PKP4: variants seen among roughly 807,000 people sequenced by gnomAD.
The protein encoded by PKP4 is plakophilin-4.
PKP4 carries 90 observed loss-of-function variants against 145.1 expected under a neutral mutation model. That is an observed-to-expected ratio of 0.62 (90% CI 0.52 to 0.74). The LOEUF is 0.74. Among genes scored for constraint, PKP4 ranks in the 30% least tolerant of loss-of-function variants. The pLI is 0.00. For synonymous variants in PKP4, 563 were observed against 577.2 expected, an observed-to-expected ratio of 0.98 and a Z score of 0.35; for missense variants, 1,340 against 1,482.7, an observed-to-expected ratio of 0.90 and a Z score of 1.58.
At position 158,642,697 on chromosome 2, in the gene PKP4, C is replaced by A; in HGVS notation, c.1907C>A (p.Thr636Lys). Reference protein sequence around the residue: ...SIDAEVRELVTGVLWNLSSCD... With the variant: ...SIDAEVRELVKGVLWNLSSCD... The stretch of plus-strand genomic sequence containing the variant: ...GATGCAGAAGTAAGGGAGCTTGTTA[C>A]AGGTAGGTATAGAATGTGATCTCGT... The change falls in exon 11 of 22, where the codon ACA (threonine) becomes AAA (lysine). Residue 636 changes from threonine to lysine, a missense_variant and splice_region_variant. Coordinates refer to ENST00000389759, the MANE Select transcript of PKP4 (RefSeq NM_003628.6). The A allele has an allele frequency of 6.3e-7, 1 of 1,594,440 alleles. No homozygotes were observed. The highest frequency in any genetic ancestry group is 1.1e-5 in the South Asian group (1 of 87,930).
At chr2:158,512,801 T>A (rs757910911) in intron 1 of PKP4, among the ~76,000 whole-genome samples, 15 of 152,244 alleles carry the variant, frequency 9.9e-5, no homozygotes, top group Non-Finnish European at 1.8e-4. Context: ...CTGTCCTCAG[T>A]TTTACAGTTC....
At chr2:158,527,297 A>G (rs1318735694) in intron 1 of PKP4, among the ~76,000 whole-genome samples, 1 of 146,006 alleles carries the variant, frequency 6.8e-6, no homozygotes, top group Non-Finnish European at 1.5e-5. Flanking sequence ...GATATAGATC[A>G]ATGGAACAGA....
At chr2:158,604,695 T>G (rs576329854) in intron 4 of PKP4, among the ~76,000 whole-genome samples, 1 of 151,988 alleles carries the variant, frequency 6.6e-6, no homozygotes, top group Non-Finnish European at 1.5e-5. Context: ...TGGACCACAG[T>G]GTGAGATGTG....
intron 1 of PKP4, among the ~76,000 whole-genome samples, chr2:158,526,150 C>G (rs1309192286): frequency 1.4e-5 from 2 of 144,258 alleles, no homozygotes; most frequent in South Asian, 2.3e-4. Context: ...CAGCATCATT[C>G]TGATACCAAA....
At chr2:158,500,133 A>G (rs1442178054) in intron 1 of PKP4, among the ~76,000 whole-genome samples, 1 of 152,222 alleles carries the variant, frequency 6.6e-6, no homozygotes. Context: ...TTAATCTTGC[A>G]TATTTGTTTC....
intron 15 of PKP4, chr2:158,666,177 C>T (rs2057064164): frequency 6.5e-6 from 2 of 305,746 alleles, no homozygotes; most frequent in South Asian, 1.8e-4. Flanking sequence ...AAATATCTGG[C>T]AGATGGTGGT....
rs375488158 is a variant in PKP4, at chr2:158,596,107, G to A, written c.246-6963G>A. 1.3e-4 allele frequency among the ~76,000 whole-genome samples: 20 copies of A among 151,246 alleles called. 2 individuals are homozygous for A. The highest frequency in any genetic ancestry group is 1.3e-3 in the South Asian group (6 of 4,788). On this transcript the variant is annotated intron_variant, in intron 3 of 21. Coordinates refer to ENST00000389759, the MANE Select transcript of PKP4 (RefSeq NM_003628.6). ...AGCTAGAACTTCTCACAATAGATTT[G>A]GAATCCAGAAAGCCTATACATTTGC...
At chr2:158,620,376 AGAGAT>A in intron 4 of PKP4, among the ~76,000 whole-genome samples, 1 of 152,292 alleles carries the variant, frequency 6.6e-6, no homozygotes, top group Non-Finnish European at 1.5e-5. Flanking sequence ...AGATAATGGA[AGAGAT>A]GAGTTTGGCT....
chr2:158,642,356 G>A, intron 10 of PKP4, 130 bp from the exon 11 acceptor site: 1 of 665,914 alleles, frequency 1.5e-6, no homozygotes, highest in Non-Finnish European at 2.4e-6. Flanking sequence ...TGTCTTATTT[G>A]GAATAAAAAG....
At chr2:158,531,713 G>T (rs2043562582) in intron 1 of PKP4, among the ~76,000 whole-genome samples, 1 of 152,146 alleles carries the variant, frequency 6.6e-6, no homozygotes. Flanking sequence ...TCCCCCCAGG[G>T]CACTTAGGTT....
At chr2:158,626,552 G>A (rs2105903328) in intron 7 of PKP4, among the ~76,000 whole-genome samples, 1 of 152,248 alleles carries the variant, frequency 6.6e-6, no homozygotes, top group East Asian at 1.9e-4. Flanking sequence ...AAATATATGT[G>A]TATTTTTACT....
At position 158,669,730 on chromosome 2, in the gene PKP4, C is replaced by G. The variant is rs780564411; in HGVS notation, c.2739C>G (p.Ala913=). The change falls in exon 17 of 22, where the codon GCC becomes GCG. Residue 913 remains alanine, a synonymous_variant. Transcript: ENST00000389759. ...TTTTGCCGTTGGCAGGCAAATACGC[C>G]ATGCGAGACCTGGTCAACCGGCTCC... ...VRNKELIGKY[A]MRDLVNRLPG... is the part of the protein sequence containing the mutation. The G allele has an allele frequency of 5.1e-6, 8 of 1,574,710 alleles. No homozygotes were observed. In the South Asian group the frequency reaches 9.3e-5, roughly 18 times the overall value.
chr2:158,663,276 A>T lies in PKP4; in HGVS notation c.2408A>T (p.Asp803Val), dbSNP rs1282623635. The T allele has an allele frequency of 1.9e-6, 3 of 1,611,912 alleles. No individual in the cohort carries two copies. Among genetic ancestry groups the T allele is most frequent in the Non-Finnish European group, 8.5e-7 (1 of 1,179,338 alleles). The stretch of plus-strand genomic sequence containing the variant: ...CGTGTGCTGTTTGTCTTTCAGTGGG[A>T]TGGAGTTGGTCCTATCCCAGGACTG... ...KKRTPQEDQWDGVGPIPGLSK... is the reference protein window; with the variant it reads ...KKRTPQEDQWVGVGPIPGLSK... Residue 803 changes from aspartate (D) to valine (V), a missense_variant, in exon 15 of 22, where the codon GAT becomes GTT. Transcript: ENST00000389759.
In PKP4 at chr2:158,680,767, G is replaced by C. The variant is rs2058385885; in HGVS notation, c.*90G>C. The C allele has an allele frequency of 1.7e-6, 2 of 1,170,076 alleles. No homozygotes were observed. The highest frequency in any genetic ancestry group is 5.0e-5 in the Admixed American group (2 of 40,034). The allele number at this position is 1,170,076 out of a possible 1,614,324, so 72.5% of individuals were successfully genotyped here. A position where few individuals can be genotyped will look rare whatever the true frequency, so the allele number is the denominator to read the frequency against. ...ATCTTGCTGATTTGATGATTGAAAT[G>C]TGAAAGTGAAGTGGAAGGAATGAAT... is the stretch of plus-strand genomic sequence containing the variant. On this transcript the variant is annotated 3_prime_UTR_variant, in exon 22 of 22. Transcript: ENST00000389759.
At chr2:158,505,171 G>A (rs1437049002) in intron 1 of PKP4, among the ~76,000 whole-genome samples, 4 of 152,162 alleles carry the variant, frequency 2.6e-5, no homozygotes. Flanking sequence ...GGCACTGATA[G>A]GAAAGGTACT....
rs777153780 is a variant in PKP4 at position 158,625,014 on chromosome 2, C to T, written c.740C>T (p.Ser247Phe). The T allele has an allele frequency of 1.1e-5, 18 of 1,614,110 alleles. No homozygotes were observed. In the South Asian group the frequency reaches 2.0e-4, roughly 18 times the overall value. Reference sequence around the variant, plus strand: ...ACTTCTCTGGGTAGTGGATTTGGCTCTCCGTCAGTGACCGACCCCCGACCT... The same window carrying T: ...ACTTCTCTGGGTAGTGGATTTGGCTTTCCGTCAGTGACCGACCCCCGACCT... ...LRTSLGSGFG[S>F]PSVTDPRPLN... is the part of the protein sequence containing the mutation. The change falls in exon 7 of 22, where the codon TCT (serine) becomes TTT (phenylalanine). Residue 247 changes from serine to phenylalanine, a missense_variant. Physicochemically the swap from Ser to Phe is radical, Grantham distance 155. Transcript: ENST00000389759.
intron 1 of PKP4, among the ~76,000 whole-genome samples, chr2:158,526,053 A>G (rs10454742): frequency 7.9e-5 from 12 of 151,802 alleles, no homozygotes; most frequent in East Asian, 2.0e-4. Context: ...TCTACCAGAG[A>G]TACAAGGAGG....
intron 1 of PKP4, among the ~76,000 whole-genome samples, chr2:158,484,546 A>C (rs544192812): frequency 2.0e-5 from 3 of 152,184 alleles, no homozygotes; most frequent in Non-Finnish European, 2.9e-5. Flanking sequence ...CTTTGTTTGC[A>C]TACTCTGAAC....
rs767102456 is a variant in PKP4 at position 158,680,686 on chromosome 2, T to C, written c.*9T>C. ...CAGACTCATGGGTGTAGCATCAAGA[T>C]GCCCAACAGAGGAACTCTTTCTTTC... On this transcript the variant is annotated 3_prime_UTR_variant, in exon 22 of 22. Coordinates refer to ENST00000389759, the MANE Select transcript of PKP4 (RefSeq NM_003628.6). 4.4e-6 allele frequency: 7 copies of C among 1,596,854 alleles called. No homozygotes were observed. Among genetic ancestry groups the C allele is most frequent in the Non-Finnish European group, 4.3e-6 (5 of 1,173,182 alleles).
Sources: gnomAD v4.1 joint callset for allele counts (sites outside exome capture counted in the v4.1 genomes callset) on GRCh38, gnomAD v4.1.1 for gene constraint, MANE v1.5 for transcripts, NCBI Gene and HGNC (gene_info 2026-07-23, HGNC 2026-07-21) for gene names.